GPR89B: variants seen among roughly 807,000 people sequenced by gnomAD.
GPR89B encodes golgi pH regulator B.
GPR89B carries 25 observed loss-of-function variants against 52.4 expected under a neutral mutation model. The observed-to-expected ratio is 0.48, with a 90% confidence interval of 0.35 to 0.67. GPR89B has a LOEUF of 0.67. Among genes scored for constraint, GPR89B ranks in the 30% least tolerant of loss-of-function variants. The pLI is 0.01. For missense variants in GPR89B, 146 were observed against 450.2 expected (o/e 0.32, Z 6.11); for synonymous variants, 52 against 151.2 (o/e 0.34, Z 4.81).
At chr1:147,930,692 T>C (rs1571210940) in intron 1 of GPR89B, among the ~76,000 whole-genome samples, 1 of 151,500 alleles carries the variant, frequency 6.6e-6, no homozygotes, top group Admixed American at 6.6e-5. Flanking sequence ...AGGTCACGTA[T>C]TGAATCTTGC....
the GPR89B span, among the ~76,000 whole-genome samples, chr1:148,006,252 G>A: frequency 1.3e-5 from 2 of 149,176 alleles, no homozygotes; most frequent in South Asian, 2.1e-4. Context: ...TGTGTCATAC[G>A]CCCTTTCTTT....
intron 5 of GPR89B, among the ~76,000 whole-genome samples, chr1:147,950,537 C>T (rs1180174510): frequency 5.9e-5 from 9 of 152,076 alleles, no homozygotes; most frequent in Non-Finnish European, 8.8e-5. Context: ...GGGGTGGCGC[C>T]GGGCAGAGGC....
the GPR89B span, among the ~76,000 whole-genome samples, chr1:148,000,935 T>C: frequency 8.3e-6 from 1 of 121,096 alleles, no homozygotes; most frequent in Admixed American, 9.0e-5. Flanking sequence ...TACAAGTTGT[T>C]TAATAATCCT....
intron 5 of GPR89B, among the ~76,000 whole-genome samples, chr1:147,948,755 A>T (rs1655222226): frequency 1.4e-5 from 2 of 148,080 alleles, no homozygotes; most frequent in South Asian, 4.3e-4. Context: ...AAGATAAAAT[A>T]ATTTTTTTTT....
At position 147,947,523 on chromosome 1, in the gene GPR89B, C is replaced by T. The variant is rs587725027; in HGVS notation, c.415+3425C>T. Among the ~76,000 whole-genome samples the T allele has an allele frequency of 9.7e-3, 1,476 of 151,902 alleles. 18 individuals are homozygous for T. The highest frequency in any genetic ancestry group is 0.033 in the African/African-American group (1,347 of 41,398). On this transcript the variant is annotated intron_variant, in intron 5 of 13. Coordinates refer to ENST00000314163, the MANE Select transcript of GPR89B (RefSeq NM_016334.5). The stretch of plus-strand genomic sequence containing the variant: ...AAAGGTGAGATGATCTTCTGCTAGT[C>T]TCCTTATTCATCTGACTTTCCATGT...
At chr1:147,950,109 C>T (rs1308199345) in intron 5 of GPR89B, among the ~76,000 whole-genome samples, 34 of 151,288 alleles carry the variant, frequency 2.2e-4, no homozygotes, top group Non-Finnish European at 3.8e-4. Flanking sequence ...GGGTGGCTGC[C>T]GGGCAGAGAC....
chr1:148,008,698 A>G, the GPR89B span, among the ~76,000 whole-genome samples: 847 of 152,316 alleles, frequency 5.6e-3, 29 homozygotes, highest in East Asian at 0.093. Flanking sequence ...AACTTCTGGT[A>G]CTTCCTGATG....
the GPR89B span, among the ~76,000 whole-genome samples, chr1:148,000,000 C>T: frequency 6.6e-6 from 1 of 152,156 alleles, no homozygotes; most frequent in Non-Finnish European, 1.5e-5. Flanking sequence ...AGCCAAGTGT[C>T]AGTTAATTTT....
the GPR89B span, chr1:148,009,391 G>A: frequency 1.2e-6 from 2 of 1,612,060 alleles, no homozygotes; most frequent in Admixed American, 1.7e-5. Flanking sequence ...TCCTTCACGA[G>A]ATAGCAGAGC....
intron 7 of GPR89B, among the ~76,000 whole-genome samples, chr1:147,960,195 A>G (rs1465722975): frequency 1.3e-5 from 2 of 151,960 alleles, no homozygotes; most frequent in Non-Finnish European, 2.9e-5. Flanking sequence ...AAAATTAACA[A>G]TTCTCAGAAA....
chr1:148,020,231 C>G, the GPR89B span, among the ~76,000 whole-genome samples: 1 of 145,920 alleles, frequency 6.9e-6, no homozygotes, highest in Non-Finnish European at 1.5e-5. Flanking sequence ...TATTTTCCTA[C>G]AGAGGTTTGT....
chr1:147,991,660 C>T (rs1659080571), intron 12 of GPR89B, among the ~76,000 whole-genome samples: 1 of 152,092 alleles, frequency 6.6e-6, no homozygotes, highest in South Asian at 2.1e-4. Flanking sequence ...GCATGAAGGG[C>T]TGTTGAATTT....
At chr1:147,942,572 T>C (rs1194433401) in intron 3 of GPR89B, among the ~76,000 whole-genome samples, 1 of 151,890 alleles carries the variant, frequency 6.6e-6, no homozygotes, top group Non-Finnish European at 1.5e-5. Context: ...AATTAATGAA[T>C]GCAGAAACAA....
the GPR89B span, among the ~76,000 whole-genome samples, chr1:148,021,432 G>A: frequency 2.0e-5 from 3 of 151,942 alleles, no homozygotes; most frequent in South Asian, 6.2e-4. Context: ...AACCCGGGAG[G>A]CGGAGCTTGC....
At chr1:147,947,735 A>G (rs1411527794) in intron 5 of GPR89B, among the ~76,000 whole-genome samples, 1 of 152,218 alleles carries the variant, frequency 6.6e-6, no homozygotes, top group Non-Finnish European at 1.5e-5. Flanking sequence ...AATAACCCAT[A>G]TTAATCTCTT....
intron 5 of GPR89B, among the ~76,000 whole-genome samples, chr1:147,949,666 G>A (rs1338964885): frequency 1.5e-5 from 2 of 131,692 alleles, no homozygotes; most frequent in African/African-American, 3.1e-5. Context: ...CTGGCCGGGC[G>A]GGGGGCTGAC....
intron 10 of GPR89B, among the ~76,000 whole-genome samples, chr1:147,971,563 G>A (rs1383026837): frequency 3.8e-5 from 5 of 131,168 alleles, no homozygotes; most frequent in Non-Finnish European, 6.2e-5. Flanking sequence ...CAACCCCTCC[G>A]CCTTCCAGAT....
chr1:148,009,831 G>A, the GPR89B span, among the ~76,000 whole-genome samples: 1 of 152,056 alleles, frequency 6.6e-6, no homozygotes, highest in Non-Finnish European at 1.5e-5. Flanking sequence ...CAGCCCAGAG[G>A]GTTCTTACAA....
chr1:148,008,833 G>A, the GPR89B span, among the ~76,000 whole-genome samples: 1 of 151,984 alleles, frequency 6.6e-6, no homozygotes, highest in Non-Finnish European at 1.5e-5. Context: ...AAATTTTTGC[G>A]GTATTCTCAG....
Sources: allele counts gnomAD v4.1 joint callset (sites outside exome capture counted in the v4.1 genomes callset), GRCh38; gene constraint gnomAD v4.1.1; transcripts MANE v1.5; gene names NCBI Gene and HGNC (gene_info 2026-07-23, HGNC 2026-07-21).